PTPRN2: variants seen among roughly 807,000 people sequenced by gnomAD.
PTPRN2 encodes protein tyrosine phosphatase receptor type N2.
In PTPRN2, 74 loss-of-function variants were observed where a neutral mutation model predicts 118.8. The ratio of observed to expected loss-of-function variants is 0.62; its 90% CI spans 0.52 to 0.76. The LOEUF (loss-of-function observed/expected upper bound fraction) is 0.76. PTPRN2 is among the 30% of genes least tolerant of loss of function. The pLI, the probability that PTPRN2 is intolerant of heterozygous loss-of-function variation, is 0.00. For missense variants in PTPRN2, 1,481 were observed against 1,394.4 expected, an observed-to-expected ratio of 1.06 and a Z score of -0.99; for synonymous variants, 641 against 608.0, an observed-to-expected ratio of 1.05 and a Z score of -0.80.
intron 11 of PTPRN2, among the ~76,000 whole-genome samples, chr7:158,000,204 A>G (rs1243871564): frequency 6.6e-6 from 1 of 152,056 alleles, no homozygotes; most frequent in Non-Finnish European, 1.5e-5. Context: ...TATTTTTTTA[A>G]TTAACTGCTT....
At chr7:158,101,058 A>G (rs1480021335) in intron 10 of PTPRN2, among the ~76,000 whole-genome samples, 1 of 152,240 alleles carries the variant, frequency 6.6e-6, no homozygotes, top group Non-Finnish European at 1.5e-5. Context: ...AAGAGCCTGC[A>G]TAGCCAAAGC....
intron 3 of PTPRN2, among the ~76,000 whole-genome samples, chr7:158,269,573 G>T (rs1798155799): frequency 6.6e-6 from 1 of 152,190 alleles, no homozygotes; most frequent in African/African-American, 2.4e-5. Context: ...AAGTCCCTGG[G>T]GTGGGTAAAG....
At chr7:158,146,180 T>C (rs1370490264) in intron 6 of PTPRN2, among the ~76,000 whole-genome samples, 2 of 152,164 alleles carry the variant, frequency 1.3e-5, no homozygotes, top group South Asian at 4.1e-4. Flanking sequence ...GCCCCTTAGA[T>C]GCTCAGTCAC....
At chr7:158,471,930 A>AC (rs1819886739) in intron 2 of PTPRN2, among the ~76,000 whole-genome samples, 1 of 152,174 alleles carries the variant, frequency 6.6e-6, no homozygotes, top group Non-Finnish European at 1.5e-5. Context: ...AAGACATGGG[A>AC]CAGCCAGGAA....
chr7:158,001,349 A>G (rs113299447), intron 11 of PTPRN2, among the ~76,000 whole-genome samples: 4 of 142,960 alleles, frequency 2.8e-5, no homozygotes, highest in African/African-American at 1.0e-4. Flanking sequence ...CACACTCCAC[A>G]CTCACAGCAA....
chr7:158,505,554 A>T (rs1458613912), intron 1 of PTPRN2, among the ~76,000 whole-genome samples: 5 of 152,360 alleles, frequency 3.3e-5, no homozygotes, highest in Admixed American at 2.6e-4. Context: ...CAATAGTTTT[A>T]AAATCCTGAG....
At chr7:157,747,706 C>G (rs113497470) in intron 12 of PTPRN2, among the ~76,000 whole-genome samples, 70 of 78,022 alleles carry the variant, frequency 9.0e-4, no homozygotes, top group East Asian at 1.3e-3. Flanking sequence ...CTGCGTCTCT[C>G]AGCTGTGGGC....
At chr7:157,742,605 G>A (rs1244172184) in intron 12 of PTPRN2, among the ~76,000 whole-genome samples, 2 of 152,050 alleles carry the variant, frequency 1.3e-5, no homozygotes, top group African/African-American at 2.4e-5. Flanking sequence ...TGTACCCCAC[G>A]AGGGTGAGAA....
At chr7:158,165,278 C>T (rs1198113256) in intron 6 of PTPRN2, among the ~76,000 whole-genome samples, 3 of 152,144 alleles carry the variant, frequency 2.0e-5, no homozygotes, top group Non-Finnish European at 2.9e-5. Context: ...CGGAGTAGAG[C>T]ATGGCTTAGA....
At chr7:158,181,684 G>A (rs1484688111) in intron 5 of PTPRN2, among the ~76,000 whole-genome samples, 2 of 151,996 alleles carry the variant, frequency 1.3e-5, no homozygotes, top group African/African-American at 4.8e-5. Context: ...ATGCTTGCAG[G>A]AATATATTCG....
intron 15 of PTPRN2, among the ~76,000 whole-genome samples, chr7:157,604,820 A>T (rs1274296159): frequency 6.6e-6 from 1 of 152,164 alleles, no homozygotes; most frequent in Non-Finnish European, 1.5e-5. Context: ...GTGTGATATG[A>T]GAGCTGTCTT....
At chr7:157,914,961 G>A (rs1237320918) in intron 11 of PTPRN2, among the ~76,000 whole-genome samples, 1 of 151,872 alleles carries the variant, frequency 6.6e-6, no homozygotes, top group Non-Finnish European at 1.5e-5. Flanking sequence ...CCTTAGTTTA[G>A]AATTTCTATT....
At chr7:157,621,551 A>C in intron 14 of PTPRN2, 42 bp from the exon 15 acceptor site, 4 of 1,601,850 alleles carry the variant, frequency 2.5e-6, no homozygotes, top group Non-Finnish European at 3.4e-6. Context: ...CTAGGTGGTG[A>C]GCCCAGACCG....
intron 1 of PTPRN2, among the ~76,000 whole-genome samples, chr7:158,500,718 C>T (rs1822298987): frequency 6.6e-6 from 1 of 152,270 alleles, no homozygotes; most frequent in African/African-American, 2.4e-5. Flanking sequence ...AACCAGACAA[C>T]AGAACTGAAG....
intron 11 of PTPRN2, among the ~76,000 whole-genome samples, chr7:158,035,972 G>T (rs990515717): frequency 1.3e-5 from 2 of 152,172 alleles, no homozygotes; most frequent in Non-Finnish European, 2.9e-5. Context: ...CTGACCTGGA[G>T]ATAAAATGAT....
chr7:157,797,627 G>A lies in PTPRN2; in HGVS notation c.1788+101046C>T, dbSNP rs575539433. 4.6e-5 allele frequency among the ~76,000 whole-genome samples: 7 copies of A among 152,308 alleles called. No homozygotes were observed. In the East Asian group the frequency reaches 5.8e-4, roughly 13 times the overall value. ...GGGTGTGCTGTGGGACGTACCACTC[G>A]GTGGCAGGGCCTGGCCAGAGAGCTG... On this transcript the variant is annotated intron_variant, in intron 12 of 22. Coordinates refer to ENST00000389418, the MANE Select transcript of PTPRN2 (RefSeq NM_002847.5).
At chr7:158,204,055 G>T (rs1259558779) in intron 4 of PTPRN2, among the ~76,000 whole-genome samples, 2 of 149,208 alleles carry the variant, frequency 1.3e-5, no homozygotes, top group African/African-American at 2.5e-5. Flanking sequence ...GAAAGACACG[G>T]CCCCTGCCCT....
intron 6 of PTPRN2, among the ~76,000 whole-genome samples, chr7:158,143,626 T>A (rs1453723174): frequency 6.6e-6 from 1 of 152,142 alleles, no homozygotes; most frequent in South Asian, 2.1e-4. Flanking sequence ...GAACACAGGC[T>A]CGGCTGCCCA....
At chr7:158,053,844 G>A (rs1448652185) in intron 11 of PTPRN2, among the ~76,000 whole-genome samples, 2 of 149,490 alleles carry the variant, frequency 1.3e-5, no homozygotes, top group Admixed American at 6.6e-5. Flanking sequence ...AGACCCCAGA[G>A]ACGCAGAGAC....
Sources: allele counts gnomAD v4.1 joint callset (sites outside exome capture counted in the v4.1 genomes callset), GRCh38; gene constraint gnomAD v4.1.1; transcripts MANE v1.5; gene names NCBI Gene and HGNC (gene_info 2026-07-23, HGNC 2026-07-21).